The following UBE2G2 variants were observed in gnomAD, a reference collection of about 807,000 sequenced individuals.
The protein encoded by UBE2G2 is ubiquitin conjugating enzyme E2 G2, also known as ubiquitin-conjugating enzyme E2 G2.
In UBE2G2, 10 loss-of-function variants were observed where a neutral mutation model predicts 23.0. That is an observed-to-expected ratio of 0.43 (90% CI 0.27 to 0.74). The LOEUF (loss-of-function observed/expected upper bound fraction) is 0.74, where lower values mean the gene tolerates loss of function less well. UBE2G2 is among the 30% of genes least tolerant of loss of function. The pLI, the probability that UBE2G2 is intolerant of heterozygous loss-of-function variation, is 0.19. For synonymous variants in UBE2G2, 86 were observed against 81.3 expected, an observed-to-expected ratio of 1.06 and a Z score of -0.31; for missense variants, 150 against 218.3, an observed-to-expected ratio of 0.69 and a Z score of 1.97.
At chr21:44,793,797 C>T (rs1011722662) in intron 1 of UBE2G2, among the ~76,000 whole-genome samples, 4 of 152,082 alleles carry the variant, frequency 2.6e-5, no homozygotes, top group Non-Finnish European at 5.9e-5. Context: ...GGAATCCATC[C>T]CACAGATAAC....
chr21:44,800,134 G>A (rs781869646), intron 1 of UBE2G2: 6 of 152,178 alleles, frequency 3.9e-5, no homozygotes, highest in Non-Finnish European at 8.8e-5. Context: ...GACACGAAGC[G>A]AGCAAAAATG....
intron 1 of UBE2G2, among the ~76,000 whole-genome samples, chr21:44,797,471 C>T (rs1555964009): frequency 6.6e-6 from 1 of 152,004 alleles, no homozygotes; most frequent in African/African-American, 2.4e-5. Flanking sequence ...AATCCCAGCA[C>T]TTTGGGAGGC....
chr21:44,775,885 T>A (rs1446483399), intron 4 of UBE2G2, among the ~76,000 whole-genome samples: 9 of 152,240 alleles, frequency 5.9e-5, no homozygotes, highest in African/African-American at 2.2e-4. Flanking sequence ...CTCCATGTTA[T>A]CATCTAACTC....
chr21:44,773,650 G>T lies in UBE2G2; in HGVS notation c.282C>A (p.His94Gln). ...PDGRVCISIL[H>Q]APGDDPMGYE... Reference sequence around the variant, plus strand: ...AGCCCATGGGGTCATCGCCTGGCGCGTGGAGGATGGAAATGCAGACTCTCC... The same window carrying T: ...AGCCCATGGGGTCATCGCCTGGCGCTTGGAGGATGGAAATGCAGACTCTCC... Residue 94 changes from histidine (H) to glutamine (Q), a missense_variant, in exon 5 of 6, where the codon CAC becomes CAA. Physicochemically the swap from His to Gln is conservative, Grantham distance 24. Transcript: ENST00000345496. 1 of 1,612,748 alleles carries T rather than the reference G, an allele frequency of 6.2e-7. No homozygotes were observed. Among genetic ancestry groups the T allele is most frequent in the East Asian group, 2.2e-5 (1 of 44,888 alleles).
intron 4 of UBE2G2, chr21:44,775,465 T>C (rs2082906811): frequency 6.6e-6 from 1 of 152,260 alleles, no homozygotes; most frequent in South Asian, 2.1e-4. Flanking sequence ...AAAGTATTTA[T>C]TGACTAGTTT....
chr21:44,785,382 C>G (rs1555961839), intron 3 of UBE2G2, among the ~76,000 whole-genome samples: 1 of 152,232 alleles, frequency 6.6e-6, no homozygotes, highest in African/African-American at 2.4e-5. Context: ...GTTCTATTCT[C>G]CATCCTAATC....
In UBE2G2 at chr21:44,801,818, A is replaced by C; in HGVS notation, c.-70T>G. On this transcript the variant is annotated 5_prime_UTR_variant, in exon 1 of 6. Coordinates refer to ENST00000345496, the MANE Select transcript of UBE2G2 (RefSeq NM_003343.6). ...CGTGCCTCCTGCCCCGACACCGGGGACTGCTTCCGGGCCACCGTCGCGGGC... is the reference window on the plus strand; with the variant it reads ...CGTGCCTCCTGCCCCGACACCGGGGCCTGCTTCCGGGCCACCGTCGCGGGC... The C allele has an allele frequency of 6.8e-7, 1 of 1,477,664 alleles. No homozygotes were observed. The allele number at this position is 1,477,664 out of a possible 1,614,324, so 91.5% of individuals were successfully genotyped here.
At chr21:44,794,237 C>G (rs1420830905) in intron 1 of UBE2G2, among the ~76,000 whole-genome samples, 5 of 152,204 alleles carry the variant, frequency 3.3e-5, no homozygotes, top group Non-Finnish European at 7.3e-5. Context: ...TTAAGCCGTG[C>G]CCAGCCTGTG....
At chr21:44,799,651 C>G (rs2083119894) in intron 1 of UBE2G2, among the ~76,000 whole-genome samples, 1 of 152,230 alleles carries the variant, frequency 6.6e-6, no homozygotes, top group African/African-American at 2.4e-5. Flanking sequence ...GTTTGATCTT[C>G]TATCCAAACC....
intron 1 of UBE2G2, among the ~76,000 whole-genome samples, chr21:44,797,586 G>A (rs1009970698): frequency 4.0e-5 from 6 of 151,850 alleles, no homozygotes; most frequent in African/African-American, 7.3e-5. Flanking sequence ...ATGGTGGCGC[G>A]CGCCTGTAGT....
At chr21:44,788,155 A>C (rs2083011497) in intron 1 of UBE2G2, 60 bp from the exon 2 acceptor site, 9 of 1,470,802 alleles carry the variant, frequency 6.1e-6, no homozygotes, top group Non-Finnish European at 8.3e-6. Flanking sequence ...TGTCATTTTA[A>C]CAAAACACCT....
chr21:44,784,396 AG>A (rs782767278), intron 3 of UBE2G2, among the ~76,000 whole-genome samples: 9 of 150,148 alleles, frequency 6.0e-5, no homozygotes, highest in Non-Finnish European at 1.3e-4. Flanking sequence ...TATGTGGAAC[AG>A]TGATGTTTCC....
intron 3 of UBE2G2, among the ~76,000 whole-genome samples, chr21:44,786,951 G>A (rs2083000832): frequency 6.6e-6 from 1 of 152,118 alleles, no homozygotes; most frequent in African/African-American, 2.4e-5. Flanking sequence ...AATTAGCCAG[G>A]CACGGTGGTG....
At position 44,779,378 on chromosome 21, in the gene UBE2G2, G is replaced by T. The variant is rs553290262; in HGVS notation, c.126-1961C>A. ...TGTTTTGGGGAGCTGGGGTGGGGGGGGGGTACTGTGTGACAGTCCCCAGAG... is the reference window on the plus strand; with the variant it reads ...TGTTTTGGGGAGCTGGGGTGGGGGGTGGGTACTGTGTGACAGTCCCCAGAG... On this transcript the variant is annotated intron_variant, in intron 3 of 5. Coordinates refer to ENST00000345496, the MANE Select transcript of UBE2G2 (RefSeq NM_003343.6). 4.6e-3 allele frequency among the ~76,000 whole-genome samples: 606 copies of T among 131,140 alleles called. 3 individuals carry two copies. Among genetic ancestry groups the T allele is most frequent in the Middle Eastern group, 0.024 (6 of 250 alleles). The allele number at this position is 131,140 out of a possible 152,430, so 86.0% of individuals were successfully genotyped here.
intron 3 of UBE2G2, among the ~76,000 whole-genome samples, chr21:44,778,386 CACAG>C (rs373900148): frequency 6.6e-5 from 10 of 152,366 alleles, no homozygotes; most frequent in African/African-American, 2.4e-4. Flanking sequence ...CCGTCATGGG[CACAG>C]ACACAGGCAC....
rs1213043704 is a variant in UBE2G2 at position 44,772,689 on chromosome 21, G to C, written c.385+858C>G. 1.3e-5 allele frequency among the ~76,000 whole-genome samples: 2 copies of C among 152,040 alleles called. No individual in the cohort carries two copies. The highest frequency in any genetic ancestry group is 4.8e-5 in the African/African-American group (2 of 41,372). The stretch of plus-strand genomic sequence containing the variant: ...CCTGCTGTCTCCTGAACCCAGAGCA[G>C]CACCTCTGGTAGACAAAGAACCAGG... On this transcript the variant is annotated intron_variant, in intron 5 of 5. Coordinates refer to ENST00000345496, the MANE Select transcript of UBE2G2 (RefSeq NM_003343.6). The surrounding 1 kb of genome is among the most constrained non-coding windows in gnomAD (Gnocchi z 5.4).
intron 1 of UBE2G2, chr21:44,800,669 G>C (rs1477305674): frequency 6.6e-6 from 1 of 152,156 alleles, no homozygotes; most frequent in African/African-American, 2.4e-5. Context: ...CAACGTTTTG[G>C]TCTGCTTAAG....
chr21:44,783,055 A>G (rs1180391314), intron 3 of UBE2G2, among the ~76,000 whole-genome samples: 1 of 152,244 alleles, frequency 6.6e-6, no homozygotes, highest in Non-Finnish European at 1.5e-5. Context: ...ATCAAAATAT[A>G]TTTTAAAAAC....
chr21:44,782,617 G>A lies in UBE2G2; in HGVS notation c.126-5200C>T, dbSNP rs183156559. Among the ~76,000 whole-genome samples, 15 of 152,326 alleles carry A rather than the reference G, an allele frequency of 9.8e-5. No individual in the cohort carries two copies. In the East Asian group the frequency reaches 1.7e-3, roughly 18 times the overall value. On this transcript the variant is annotated intron_variant, in intron 3 of 5. Coordinates refer to ENST00000345496, the MANE Select transcript of UBE2G2 (RefSeq NM_003343.6). Reference sequence around the variant, plus strand: ...ATAGATCAATGGAATGCAATTCAGAGTCCAAAAATAAATCCTTGCATTTAT... The same window carrying A: ...ATAGATCAATGGAATGCAATTCAGAATCCAAAAATAAATCCTTGCATTTAT...
Sources: gnomAD v4.1 joint callset for allele counts (sites outside exome capture counted in the v4.1 genomes callset) on GRCh38, gnomAD v4.1.1 for gene constraint, Gnocchi (gnomAD v3.1) non-coding constraint, MANE v1.5 for transcripts, NCBI Gene and HGNC (gene_info 2026-07-23, HGNC 2026-07-21) for gene names.